NCKAP1: variants seen among roughly 807,000 people sequenced by gnomAD.
The protein encoded by NCKAP1 is NCK associated protein 1.
In NCKAP1, 21 loss-of-function variants were observed where a neutral mutation model predicts 151.2. The ratio of observed to expected loss-of-function variants is 0.14; its 90% CI spans 0.10 to 0.20. The LOEUF (loss-of-function observed/expected upper bound fraction) is 0.20, where lower values mean the gene tolerates loss of function less well. Ranked by LOEUF, NCKAP1 falls within the 10% of genes least tolerant of loss-of-function variation. NCKAP1 has a pLI of 1.00. For synonymous variants in NCKAP1, 484 were observed against 451.8 expected (o/e 1.07, Z -0.90); for missense variants, 933 against 1,352.1 (o/e 0.69, Z 4.86).
At chr2:183,000,639 A>G (rs1280659267) in intron 6 of NCKAP1, among the ~76,000 whole-genome samples, 1 of 152,206 alleles carries the variant, frequency 6.6e-6, no homozygotes, top group Non-Finnish European at 1.5e-5. Flanking sequence ...GATGCCATCT[A>G]CTAGCTTCTT....
In NCKAP1 at chr2:183,002,276, G is replaced by GA. The variant is rs60075498; in HGVS notation, c.370-8dup. The stretch of plus-strand genomic sequence containing the variant: ...TTAAATCAAAGTTTACAGTCTAGGA[G>GA]AAAAAAAAATCAAGTTCAACTACTT... On this transcript the variant is annotated splice_polypyrimidine_tract_variant and splice_region_variant and intron_variant, in intron 4 of 30. Coordinates refer to ENST00000361354, the MANE Select transcript of NCKAP1 (RefSeq NM_013436.5). The GA allele has an allele frequency of 0.099, 143,135 of 1,444,790 alleles. 6,820 individuals are homozygous for GA. The highest frequency in any genetic ancestry group is 0.11 in the Non-Finnish European group (119,341 of 1,062,612). 89.5% of individuals were successfully genotyped at this position (1,444,790 alleles called of 1,614,324 possible). A position where few individuals can be genotyped will look rare whatever the true frequency, so the allele number is the denominator to read the frequency against.
chr2:183,027,326 C>A (rs1056377602), intron 1 of NCKAP1, among the ~76,000 whole-genome samples: 29 of 152,108 alleles, frequency 1.9e-4, no homozygotes, highest in African/African-American at 7.0e-4. Context: ...ACCAAGAGCT[C>A]CCAAAAAATG....
At chr2:182,970,963 T>C (rs998728224) in intron 15 of NCKAP1, among the ~76,000 whole-genome samples, 24 of 151,428 alleles carry the variant, frequency 1.6e-4, no homozygotes, top group Non-Finnish European at 3.4e-4. Flanking sequence ...GCAAACACAC[T>C]GAAAAAGAAA....
At chr2:183,011,147 C>G (rs943447518) in intron 2 of NCKAP1, among the ~76,000 whole-genome samples, 1 of 152,190 alleles carries the variant, frequency 6.6e-6, no homozygotes, top group African/African-American at 2.4e-5. Flanking sequence ...TTTTAACGTA[C>G]AGTGTGTTAG....
intron 1 of NCKAP1, among the ~76,000 whole-genome samples, chr2:183,034,497 T>C (rs188222348): frequency 2.0e-5 from 3 of 151,824 alleles, no homozygotes; most frequent in South Asian, 2.1e-4. Context: ...CTCATGTTGG[T>C]AATGGTGGAG....
At chr2:183,008,175 G>A (rs1043097311) in intron 2 of NCKAP1, among the ~76,000 whole-genome samples, 4 of 152,028 alleles carry the variant, frequency 2.6e-5, no homozygotes, top group East Asian at 1.9e-4. Context: ...TGATCCGCCC[G>A]CCTCGGCCTC....
intron 1 of NCKAP1, among the ~76,000 whole-genome samples, chr2:183,024,520 T>C (rs1306979589): frequency 1.3e-5 from 2 of 152,180 alleles, no homozygotes; most frequent in Non-Finnish European, 2.9e-5. Flanking sequence ...GTTCTATATA[T>C]CATAAGCACA....
At chr2:183,009,530 A>T (rs1698551710) in intron 2 of NCKAP1, among the ~76,000 whole-genome samples, 1 of 152,216 alleles carries the variant, frequency 6.6e-6, no homozygotes, top group African/African-American at 2.4e-5. Flanking sequence ...ACACTAGCCT[A>T]GTAAAATATG....
chr2:183,019,224 T>C (rs1392578235), intron 2 of NCKAP1, among the ~76,000 whole-genome samples: 3 of 152,102 alleles, frequency 2.0e-5, no homozygotes, highest in African/African-American at 4.8e-5. Context: ...GGATATCAAA[T>C]CCAAAATTTT....
intron 2 of NCKAP1, among the ~76,000 whole-genome samples, chr2:183,009,766 T>C (rs538132946): frequency 1.8e-4 from 28 of 152,320 alleles, no homozygotes; most frequent in African/African-American, 6.5e-4. Flanking sequence ...AAATACATTT[T>C]AGTCCTCATT....
At chr2:183,018,223 G>A (rs2105889942) in intron 2 of NCKAP1, among the ~76,000 whole-genome samples, 1 of 152,100 alleles carries the variant, frequency 6.6e-6, no homozygotes, top group South Asian at 2.1e-4. Context: ...CTCCAGCCTG[G>A]GCAACAGAGC....
chr2:182,977,267 T>G (rs1697842556), intron 14 of NCKAP1, among the ~76,000 whole-genome samples: 1 of 152,106 alleles, frequency 6.6e-6, no homozygotes, highest in Admixed American at 6.6e-5. Context: ...GGCAGGTGGG[T>G]CACCTAAGGG....
intron 1 of NCKAP1, among the ~76,000 whole-genome samples, chr2:183,028,578 G>A (rs941194352): frequency 6.6e-6 from 1 of 151,980 alleles, no homozygotes; most frequent in African/African-American, 2.4e-5. Context: ...ATGACCTTAG[G>A]CAAGTTGCCT....
At chr2:182,964,294 CTCTT>C (rs1472202133) in intron 17 of NCKAP1, among the ~76,000 whole-genome samples, 1 of 152,096 alleles carries the variant, frequency 6.6e-6, no homozygotes, top group Non-Finnish European at 1.5e-5. Flanking sequence ...TAGTGAATCT[CTCTT>C]TGACTTGTTT....
At chr2:183,010,276 T>C (rs1698567488) in intron 2 of NCKAP1, among the ~76,000 whole-genome samples, 1 of 152,212 alleles carries the variant, frequency 6.6e-6, no homozygotes, top group African/African-American at 2.4e-5. Context: ...CAAGGTCTTG[T>C]AACTTCTGAT....
chr2:182,969,167 G>C (rs1239387013), intron 15 of NCKAP1, among the ~76,000 whole-genome samples: 1 of 152,154 alleles, frequency 6.6e-6, no homozygotes, highest in Non-Finnish European at 1.5e-5. Flanking sequence ...CTTCTCATCA[G>C]AACATGGGAT....
intron 18 of NCKAP1, 116 bp downstream of exon 18, chr2:182,962,043 G>C: frequency 9.4e-7 from 1 of 1,069,138 alleles, no homozygotes. Flanking sequence ...AGAGGTTTGA[G>C]GTTTACTAAT....
In NCKAP1 at chr2:183,027,178, T is replaced by C. The variant is rs1167415492; in HGVS notation, c.109-3262A>G. Among the ~76,000 whole-genome samples the C allele has an allele frequency of 3.9e-5, 6 of 152,216 alleles. No individual in the cohort carries two copies. The East Asian group carries it at 9.6e-4, about 24-fold the overall frequency. On this transcript the variant is annotated intron_variant, in intron 1 of 30. Coordinates refer to ENST00000361354, the MANE Select transcript of NCKAP1 (RefSeq NM_013436.5). Reference sequence around the variant, plus strand: ...ATCTTGGCACCATCACTTAGCTGTGTACCCATGAGCAAGTCATTCTATCTG... The same window carrying C: ...ATCTTGGCACCATCACTTAGCTGTGCACCCATGAGCAAGTCATTCTATCTG...
chr2:182,981,124 T>C (rs1380954928), intron 13 of NCKAP1, 120 bp downstream of exon 13: 13 of 1,291,500 alleles, frequency 1.0e-5, no homozygotes, highest in African/African-American at 6.0e-5. Flanking sequence ...CTCCAAAATA[T>C]AAACATGATT....
Sources: gnomAD v4.1 joint callset for allele counts (sites outside exome capture counted in the v4.1 genomes callset) on GRCh38, gnomAD v4.1.1 for gene constraint, MANE v1.5 for transcripts, NCBI Gene and HGNC (gene_info 2026-07-23, HGNC 2026-07-21) for gene names.